CDH13: variants seen among roughly 807,000 people sequenced by gnomAD.
The protein encoded by CDH13 is cadherin-13.
A neutral mutation model predicts 63.8 loss-of-function variants in CDH13; 24 were observed. The observed-to-expected ratio is 0.38, with a 90% CI of 0.27 to 0.53. The LOEUF (loss-of-function observed/expected upper bound fraction) is 0.53. CDH13 is among the 20% of genes least tolerant of loss of function. CDH13 has a pLI of 0.85. For missense variants in CDH13, 1,049 were observed against 903.1 expected (o/e 1.16, Z -2.07); for synonymous variants, 503 against 355.3 (o/e 1.42, Z -4.67).
chr16:82,927,713 T>C (rs138629874), intron 2 of CDH13, among the ~76,000 whole-genome samples: 2 of 152,326 alleles, frequency 1.3e-5, no homozygotes, highest in East Asian at 3.9e-4. Context: ...GCTTATGACT[T>C]TGGTCGTGAG....
chr16:83,296,478 G>GTATTT (rs2089600576), intron 5 of CDH13, among the ~76,000 whole-genome samples: 1 of 152,144 alleles, frequency 6.6e-6, no homozygotes, highest in African/African-American at 2.4e-5. Flanking sequence ...ATTTGGAAAG[G>GTATTT]GGAGAGGCAT....
At chr16:83,497,977 C>G (rs1449597549) in intron 7 of CDH13, among the ~76,000 whole-genome samples, 1 of 152,204 alleles carries the variant, frequency 6.6e-6, no homozygotes, top group Non-Finnish European at 1.5e-5. Context: ...ATTTCTCCCA[C>G]CATTAAGAAA....
At chr16:82,836,647 C>T (rs2038780018) in intron 1 of CDH13, among the ~76,000 whole-genome samples, 2 of 152,130 alleles carry the variant, frequency 1.3e-5, no homozygotes, top group Non-Finnish European at 2.9e-5. Flanking sequence ...GCATTTTTTA[C>T]TGCTGCCTTC....
intron 1 of CDH13, among the ~76,000 whole-genome samples, chr16:82,781,759 A>T (rs759496754): frequency 3.9e-4 from 59 of 152,214 alleles, no homozygotes; most frequent in Non-Finnish European, 7.8e-4. Flanking sequence ...AACAAAAATC[A>T]GTTGGCAAAA....
chr16:83,072,684 T>A (rs1327950635), intron 3 of CDH13, among the ~76,000 whole-genome samples: 2 of 152,150 alleles, frequency 1.3e-5, no homozygotes, highest in African/African-American at 4.8e-5. Context: ...CCAAGCTTGA[T>A]CTGTGCATGG....
chr16:83,029,301 T>G (rs1207995765), intron 2 of CDH13, among the ~76,000 whole-genome samples: 1 of 152,214 alleles, frequency 6.6e-6, no homozygotes, highest in Non-Finnish European at 1.5e-5. Flanking sequence ...CAGATATTTA[T>G]TTGGCTTTAA....
intron 11 of CDH13, among the ~76,000 whole-genome samples, chr16:83,758,351 A>G (rs1201697246): frequency 1.3e-5 from 2 of 152,200 alleles, no homozygotes; most frequent in Non-Finnish European, 2.9e-5. Flanking sequence ...TGAATCCCAC[A>G]AAAATGATAT....
intron 8 of CDH13, among the ~76,000 whole-genome samples, chr16:83,661,267 A>C (rs1459364513): frequency 6.6e-6 from 1 of 152,158 alleles, no homozygotes; most frequent in East Asian, 1.9e-4. Context: ...CAGGAGGATC[A>C]CTTGAGCCCA....
rs538676048 is a variant in CDH13 at position 82,789,915 on chromosome 16, G to A, written c.46-68447G>A. Among the ~76,000 whole-genome samples the A allele has an allele frequency of 2.0e-5, 3 of 152,256 alleles. No individual in the cohort carries two copies. In the East Asian group the frequency reaches 5.8e-4, roughly 29 times the overall value. On this transcript the variant is annotated intron_variant, in intron 1 of 13. Coordinates refer to ENST00000567109, the MANE Select transcript of CDH13 (RefSeq NM_001257.5). ...CCTGCGGAGGAAGAATCAGGGTGGT[G>A]AGGCAATTAGTAGGTGTTCTACAAT... is the stretch of plus-strand genomic sequence containing the variant.
intron 2 of CDH13, among the ~76,000 whole-genome samples, chr16:82,979,106 A>C (rs944588387): frequency 3.3e-5 from 5 of 152,218 alleles, no homozygotes; most frequent in East Asian, 1.9e-4. Flanking sequence ...CTAGACTTGC[A>C]TGGGGCCTGT....
At chr16:82,658,054 T>C (rs2150920243) in intron 1 of CDH13, among the ~76,000 whole-genome samples, 1 of 152,372 alleles carries the variant, frequency 6.6e-6, no homozygotes, top group Admixed American at 6.5e-5. Flanking sequence ...AGGCTTTTTG[T>C]AGTTGTTCTT....
intron 7 of CDH13, among the ~76,000 whole-genome samples, chr16:83,570,304 C>G (rs146380345): frequency 2.4e-4 from 37 of 152,230 alleles, no homozygotes; most frequent in Non-Finnish European, 5.1e-4. Context: ...CATATGGGGT[C>G]TTTTCTGTCT....
intron 1 of CDH13, among the ~76,000 whole-genome samples, chr16:82,715,642 C>T (rs902038051): frequency 2.0e-5 from 3 of 152,134 alleles, no homozygotes; most frequent in East Asian, 3.9e-4. Flanking sequence ...TACACATCCC[C>T]ACCGTCTGTG....
rs188019500 is a variant in CDH13, at chr16:82,698,593, T to C, written c.45+71456T>C. 3.3e-5 allele frequency among the ~76,000 whole-genome samples: 5 copies of C among 152,262 alleles called. No homozygotes were observed. In the East Asian group the frequency reaches 7.7e-4, roughly 24 times the overall value. On this transcript the variant is annotated intron_variant, in intron 1 of 13. Coordinates refer to ENST00000567109, the MANE Select transcript of CDH13 (RefSeq NM_001257.5). ...GTAGCTTGGGCATGTTTTTAGAGCA[T>C]TGGAGGAGGCATGAGAGACAAGCTC...
chr16:83,309,185 G>A (rs150292576), intron 5 of CDH13, among the ~76,000 whole-genome samples: 15 of 152,270 alleles, frequency 9.9e-5, no homozygotes, highest in African/African-American at 2.6e-4. Context: ...TGTTTGCAGC[G>A]TTATACCGAG....
intron 3 of CDH13, among the ~76,000 whole-genome samples, chr16:83,121,950 C>G (rs2035597403): frequency 7.2e-6 from 1 of 138,370 alleles, no homozygotes; most frequent in African/African-American, 2.8e-5. Flanking sequence ...CATAAATTTT[C>G]CTTTAAAACT....
intron 6 of CDH13, among the ~76,000 whole-genome samples, chr16:83,350,431 G>C (rs570638543): frequency 9.2e-5 from 14 of 152,350 alleles, no homozygotes; most frequent in African/African-American, 2.6e-4. Context: ...ACATTGCTTA[G>C]GCATGTCTGA....
intron 6 of CDH13, chr16:83,398,182 A>G (rs7189085): frequency 0.74 from 109,060 of 147,306 alleles, 39,217 homozygotes; most frequent in East Asian, 0.84. Flanking sequence ...TAGGGCTGCC[A>G]TAACAAATCA....
intron 1 of CDH13, among the ~76,000 whole-genome samples, chr16:82,661,754 T>C (rs976193909): frequency 6.6e-6 from 1 of 152,194 alleles, no homozygotes; most frequent in African/African-American, 2.4e-5. Context: ...ACACGGAGTA[T>C]TGGGGGAAAC....
Sources: allele counts gnomAD v4.1 joint callset (sites outside exome capture counted in the v4.1 genomes callset), GRCh38; gene constraint gnomAD v4.1.1; transcripts MANE v1.5; gene names NCBI Gene and HGNC (gene_info 2026-07-23, HGNC 2026-07-21).